CSRNP2: variants seen among roughly 807,000 people sequenced by gnomAD.
CSRNP2 encodes the protein cysteine and serine rich nuclear protein 2.
Under a neutral mutation model 36.6 loss-of-function variants are expected in CSRNP2, and 11 were observed. The ratio of observed to expected loss-of-function variants is 0.30; its 90% CI spans 0.19 to 0.50. CSRNP2 has a LOEUF of 0.50. Among genes scored for constraint, CSRNP2 ranks in the 20% least tolerant of loss-of-function variants. The probability of loss-of-function intolerance (pLI) is 0.98; values close to 1 mark genes in which losing one functional copy is unlikely to be tolerated. For synonymous variants in CSRNP2, 248 were observed against 275.3 expected (o/e 0.90, Z 0.98); for missense variants, 483 against 691.4 (o/e 0.70, Z 3.38).
intron 4 of CSRNP2, among the ~76,000 whole-genome samples, 197 bp from the exon 5 acceptor site, chr12:51,064,866 C>T (rs915065505): frequency 9.9e-5 from 15 of 152,166 alleles, no homozygotes; most frequent in Non-Finnish European, 1.6e-4. Context: ...GCATTTCAAT[C>T]CCAGCTCAGC....
chr12:51,064,502 C>T lies in CSRNP2; in HGVS notation c.876G>A (p.Glu292=). ...TGCAACTGGCAGTCGGGGAGGGCTC[C>T]TCATCTGGGGCTGCTGGGCGGCTCA... ...RQVSRPAAPD[E]EPSPTASCSL... The change falls in exon 5 of 5, where the codon GAG becomes GAA. Residue 292 remains glutamate, a synonymous_variant. Transcript: ENST00000228515. 1 of 1,611,812 alleles carries T rather than the reference C, an allele frequency of 6.2e-7. No homozygotes were observed.
intron 3 of CSRNP2, among the ~76,000 whole-genome samples, chr12:51,069,642 A>C (rs1938865310): frequency 6.6e-6 from 1 of 150,494 alleles, no homozygotes; most frequent in African/African-American, 2.5e-5. Flanking sequence ...AGGTGGTATC[A>C]ATAATACTGA....
intron 3 of CSRNP2, 51 bp downstream of exon 3, chr12:51,073,772 C>T: frequency 6.5e-7 from 1 of 1,549,792 alleles, no homozygotes; most frequent in East Asian, 2.3e-5. Context: ...AACCAATGAA[C>T]CTAAATGGTT....
intron 3 of CSRNP2, among the ~76,000 whole-genome samples, chr12:51,069,680 GTTTTT>G (rs556466810): frequency 7.1e-6 from 1 of 141,742 alleles, no homozygotes; most frequent in African/African-American, 2.7e-5. Context: ...AGAAATCTGG[GTTTTT>G]TTTTTTCTTT....
intron 2 of CSRNP2, among the ~76,000 whole-genome samples, chr12:51,075,886 T>C (rs1939377439): frequency 6.6e-6 from 1 of 152,080 alleles, no homozygotes; most frequent in South Asian, 2.1e-4. Flanking sequence ...TTGTCTCTAC[T>C]AAAAACACAA....
chr12:51,066,012 T>G (rs1227101250), intron 4 of CSRNP2, among the ~76,000 whole-genome samples: 4 of 152,200 alleles, frequency 2.6e-5, no homozygotes, highest in East Asian at 1.9e-4. Context: ...TGTCTTAAAC[T>G]GTCCCCCATC....
chr12:51,070,617 G>A (rs1156256975), intron 3 of CSRNP2, among the ~76,000 whole-genome samples: 2 of 152,022 alleles, frequency 1.3e-5, no homozygotes, highest in African/African-American at 4.8e-5. Flanking sequence ...TATTTTCTGG[G>A]GGAAAAAAGA....
chr12:51,071,259 C>CAA (rs34960606), intron 3 of CSRNP2, among the ~76,000 whole-genome samples: 83,434 of 118,426 alleles, frequency 0.7, 29,740 homozygotes, highest in East Asian at 0.77. Context: ...GACCCTGCAT[C>CAA]AAAAAAAAAA....
chr12:51,073,823 C>T lies in CSRNP2; in HGVS notation c.411G>A (p.Lys137=). The part of the protein sequence containing the change: ...KEEKLHAKKM[K]LTKNGTVESV... ...AGTAGATCCCAGAACACTTAGGCACCTTCATTTTCTTGGCATGGAGTTTCT... is the reference window on the plus strand; with the variant it reads ...AGTAGATCCCAGAACACTTAGGCACTTTCATTTTCTTGGCATGGAGTTTCT... Residue 137 remains lysine (K), a splice_region_variant and synonymous_variant, in exon 3 of 5, where the codon AAG becomes AAA. Coordinates refer to ENST00000228515, the MANE Select transcript of CSRNP2 (RefSeq NM_030809.3). 1 of 1,613,308 alleles carries T rather than the reference C, an allele frequency of 6.2e-7. No individual in the cohort carries two copies. The highest frequency in any genetic ancestry group is 1.3e-5 in the African/African-American group (1 of 74,934).
chr12:51,082,749 C>A (rs1219534181), intron 1 of CSRNP2: 2 of 152,166 alleles, frequency 1.3e-5, no homozygotes, highest in Non-Finnish European at 2.9e-5. Flanking sequence ...CATTTTCCCA[C>A]ACGACGCCAG....
At chr12:51,081,497 C>T (rs1939639698) in intron 1 of CSRNP2, 1 of 152,146 alleles carries the variant, frequency 6.6e-6, no homozygotes, top group Admixed American at 6.6e-5. Flanking sequence ...GTTTTAGCAC[C>T]TAGGAATGCA....
chr12:51,081,901 T>G (rs959093713), intron 1 of CSRNP2, among the ~76,000 whole-genome samples: 1 of 152,066 alleles, frequency 6.6e-6, no homozygotes, highest in Non-Finnish European at 1.5e-5. Flanking sequence ...CAGGCAAAAT[T>G]TTCTGGAAGA....
chr12:51,077,912 C>T (rs995058841), intron 1 of CSRNP2, among the ~76,000 whole-genome samples: 9 of 152,146 alleles, frequency 5.9e-5, no homozygotes, highest in African/African-American at 2.2e-4. Flanking sequence ...AGTCCATTTC[C>T]CTAGGTACAA....
At chr12:51,071,040 T>A (rs1939128522) in intron 3 of CSRNP2, among the ~76,000 whole-genome samples, 1 of 152,058 alleles carries the variant, frequency 6.6e-6, no homozygotes. Flanking sequence ...GGCGGGTGGA[T>A]CACTTGAGGC....
At position 51,073,738 on chromosome 12, in the gene CSRNP2, A is replaced by G. The variant is rs928999446; in HGVS notation, c.411+85T>C. Reference sequence around the variant, plus strand: ...AAGACTCTGTCCCAGAAAAAAAAAAAAAAAAAAAATCAATCAACCAACCAA... The same window carrying G: ...AAGACTCTGTCCCAGAAAAAAAAAAGAAAAAAAAATCAATCAACCAACCAA... On this transcript the variant is annotated intron_variant, in intron 3 of 4. Coordinates refer to ENST00000228515, the MANE Select transcript of CSRNP2 (RefSeq NM_030809.3). The G allele has an allele frequency of 3.6e-5, 49 of 1,379,394 alleles. 1 individual carries two copies. The highest frequency in any genetic ancestry group is 8.4e-5 in the South Asian group (6 of 71,642). 85.4% of individuals were successfully genotyped at this position (1,379,394 alleles called of 1,614,324 possible).
At position 51,067,584 on chromosome 12, in the gene CSRNP2, C is replaced by T; in HGVS notation, c.708+89G>A. 7.6e-7 allele frequency: 1 copy of T among 1,319,296 alleles called. No individual in the cohort carries two copies. Among genetic ancestry groups the T allele is most frequent in the Non-Finnish European group, 1.1e-6 (1 of 939,270 alleles). The allele number at this position is 1,319,296 out of a possible 1,614,324, so 81.7% of individuals were successfully genotyped here. ...GTTCACAACCATAGGGAATCCACCC[C>T]TGAATGGGCCTCCCATGTTCAGTGG... is the stretch of plus-strand genomic sequence containing the variant. On this transcript the variant is annotated intron_variant, in intron 4 of 4. Coordinates refer to ENST00000228515, the MANE Select transcript of CSRNP2 (RefSeq NM_030809.3). The surrounding 1 kb of genome is among the most constrained non-coding windows in gnomAD (Gnocchi z 4.1).
At chr12:51,081,754 A>C (rs1283110654) in intron 1 of CSRNP2, among the ~76,000 whole-genome samples, 1 of 152,330 alleles carries the variant, frequency 6.6e-6, no homozygotes, top group African/African-American at 2.4e-5. Flanking sequence ...TTCCACCAGA[A>C]TATGTATATT....
chr12:51,065,796 T>C (rs1234592745), intron 4 of CSRNP2, among the ~76,000 whole-genome samples: 2 of 152,116 alleles, frequency 1.3e-5, no homozygotes, highest in Admixed American at 6.6e-5. Flanking sequence ...CAGGTGTGTG[T>C]GTAACAGAAT....
chr12:51,079,889 AT>A (rs749969393), intron 1 of CSRNP2, among the ~76,000 whole-genome samples: 2 of 150,602 alleles, frequency 1.3e-5, no homozygotes, highest in Non-Finnish European at 3.0e-5. Flanking sequence ...CCTGGCCAAT[AT>A]GGTGAAACCC....
Sources: gnomAD v4.1 joint callset for allele counts (sites outside exome capture counted in the v4.1 genomes callset) on GRCh38, gnomAD v4.1.1 for gene constraint, Gnocchi (gnomAD v3.1) non-coding constraint, MANE v1.5 for transcripts, NCBI Gene and HGNC (gene_info 2026-07-23, HGNC 2026-07-21) for gene names.